Variants in LIN54 observed in about 807,000 individuals in gnomAD.
LIN54 encodes the protein lin-54 DREAM MuvB core complex component.
LIN54 carries 9 observed loss-of-function variants against 78.7 expected under a neutral mutation model. That is an observed-to-expected ratio of 0.11 (90% CI 0.07 to 0.20). The LOEUF is 0.20. Among genes scored for constraint, LIN54 ranks in the 10% least tolerant of loss-of-function variants. The probability of loss-of-function intolerance (pLI) is 1.00; values close to 1 mark genes in which losing one functional copy is unlikely to be tolerated. For synonymous variants in LIN54, 269 were observed against 318.4 expected (o/e 0.84, Z 1.65); for missense variants, 573 against 889.9 (o/e 0.64, Z 4.53).
intron 3 of LIN54, among the ~76,000 whole-genome samples, chr4:82,973,558 A>G (rs192907136): frequency 6.6e-6 from 1 of 152,338 alleles, no homozygotes; most frequent in East Asian, 1.9e-4. Context: ...AAAGCCACAT[A>G]TTGAATAGGC....
At chr4:82,932,762 T>C (rs571390264) in intron 11 of LIN54, among the ~76,000 whole-genome samples, 2 of 151,704 alleles carry the variant, frequency 1.3e-5, no homozygotes, top group South Asian at 4.2e-4. Flanking sequence ...GAGGCGGAGG[T>C]TGCAGTGAGC....
At position 82,928,035 on chromosome 4, in the gene LIN54, G is replaced by T. The variant is rs761505726; in HGVS notation, c.*67C>A. ...AAATACAGTAATTGTTTTTCTTCCA[G>T]AAAATCAAGTGTCCCTGCACCTTAA... On this transcript the variant is annotated 3_prime_UTR_variant, in exon 13 of 13. Coordinates refer to ENST00000340417, the MANE Select transcript of LIN54 (RefSeq NM_194282.4). 111 of 1,334,912 alleles carry T rather than the reference G, an allele frequency of 8.3e-5. No homozygotes were observed. The highest frequency in any genetic ancestry group is 1.8e-5 in the Non-Finnish European group (17 of 931,584). 82.7% of individuals were successfully genotyped at this position (1,334,912 alleles called of 1,614,324 possible).
At chr4:83,005,626 GAAAAA>G (rs34604804) in intron 1 of LIN54, among the ~76,000 whole-genome samples, 1 of 104,620 alleles carries the variant, frequency 9.6e-6, no homozygotes, top group Non-Finnish European at 2.0e-5. Context: ...CTCCATCTCA[GAAAAA>G]AAAAAAAAAA....
At chr4:82,963,794 A>G (rs1724991255) in intron 4 of LIN54, among the ~76,000 whole-genome samples, 2 of 152,178 alleles carry the variant, frequency 1.3e-5, no homozygotes, top group Admixed American at 1.3e-4. Context: ...GAAAGAACAT[A>G]AAGATGAGAC....
intron 3 of LIN54, among the ~76,000 whole-genome samples, chr4:82,978,527 T>C (rs1297319737): frequency 6.6e-6 from 1 of 152,180 alleles, no homozygotes; most frequent in African/African-American, 2.4e-5. Flanking sequence ...AAAACGGGAA[T>C]GTTATTAGTA....
At chr4:82,961,425 A>G (rs1366235747) in intron 4 of LIN54, among the ~76,000 whole-genome samples, 2 of 152,186 alleles carry the variant, frequency 1.3e-5, no homozygotes, top group Non-Finnish European at 2.9e-5. Context: ...AATTCTTCAC[A>G]TGGCAGTCAA....
rs142797082 is a variant in LIN54, at chr4:82,952,624, A to C, written c.952-6150T>G. 3.3e-3 allele frequency among the ~76,000 whole-genome samples: 507 copies of C among 152,324 alleles called. 6 individuals are homozygous for C. The highest frequency in any genetic ancestry group is 0.011 in the African/African-American group (471 of 41,582). On this transcript the variant is annotated intron_variant, in intron 4 of 12. Transcript: ENST00000340417. ...TTTGGGTACATACTGTATTCAAAAGAATTAAAAGTAGGGTCTTGAAGAGAT... is the reference window on the plus strand; with the variant it reads ...TTTGGGTACATACTGTATTCAAAAGCATTAAAAGTAGGGTCTTGAAGAGAT...
Position 82,936,045 on chromosome 4 carries a change from C to T in LIN54, c.1781G>A (p.Arg594His), listed in dbSNP as rs752775383. The T allele has an allele frequency of 1.2e-6, 2 of 1,613,814 alleles. No homozygotes were observed. Among genetic ancestry groups the T allele is most frequent in the Non-Finnish European group, 1.7e-6 (2 of 1,179,690 alleles). Residue 594 changes from arginine (R) to histidine (H), a missense_variant, in exon 11 of 13, where the codon CGT becomes CAT. Physicochemically the swap from Arg to His is conservative, Grantham distance 29 (BLOSUM62 0). Around this residue, in one of 6 missense-constraint regions of LIN54, gnomAD observed 101 missense variants for 194.2 expected, o/e 0.52. Coordinates refer to ENST00000340417, the MANE Select transcript of LIN54 (RefSeq NM_194282.4). ...TTTGCAATTACACCCTTTGCTATGA[C>T]GTCGATCAGATTCTCCCTCCTTTCC... The part of the protein sequence containing the change: ...GKGKEGESDR[R>H]HSKGCNCKRS...
intron 1 of LIN54, among the ~76,000 whole-genome samples, chr4:82,990,627 G>A (rs1195716799): frequency 1.3e-5 from 2 of 152,022 alleles, no homozygotes; most frequent in Non-Finnish European, 2.9e-5. Flanking sequence ...GGGACTACGG[G>A]CGCCCGCCAC....
Position 82,933,318 on chromosome 4 carries a change from C to T in LIN54, c.1846-2173G>A, listed in dbSNP as rs146100480. Among the ~76,000 whole-genome samples the T allele has an allele frequency of 6.9e-3, 1,037 of 149,910 alleles. 20 individuals carry two copies. The highest frequency in any genetic ancestry group is 0.024 in the African/African-American group (994 of 40,898). On this transcript the variant is annotated intron_variant, in intron 11 of 12. Coordinates refer to ENST00000340417, the MANE Select transcript of LIN54 (RefSeq NM_194282.4). ...AGGAAAGACATTAATAGTGTCTAAC[C>T]GGAGCTCAGATGGAGAAATTACAAT... is the stretch of plus-strand genomic sequence containing the variant.
At chr4:82,969,324 G>A (rs1219110944) in intron 4 of LIN54, among the ~76,000 whole-genome samples, 1 of 152,124 alleles carries the variant, frequency 6.6e-6, no homozygotes, top group Admixed American at 6.6e-5. Flanking sequence ...TAATTCTGTA[G>A]GACAATTTTT....
rs1488327977 is a variant in LIN54 at position 82,937,150 on chromosome 4, AT to A, written c.1604+76del. On this transcript the variant is annotated intron_variant, in intron 9 of 12. Coordinates refer to ENST00000340417, the MANE Select transcript of LIN54 (RefSeq NM_194282.4). Reference sequence around the variant, plus strand: ...ACTTATGAGCTTTGGTCTGCTAAAAATTTTTAGTTAACTCCATTTACTTTTA... The same window carrying A: ...ACTTATGAGCTTTGGTCTGCTAAAAATTTTAGTTAACTCCATTTACTTTTA... 5 of 804,978 alleles carry A rather than the reference AT, an allele frequency of 6.2e-6. No homozygotes were observed. In the African/African-American group the frequency reaches 6.7e-5, roughly 11 times the overall value. The allele number at this position is 804,978 out of a possible 1,614,324, so 49.9% of individuals were successfully genotyped here. A position where few individuals can be genotyped will look rare whatever the true frequency, so the allele number is the denominator to read the frequency against.
chr4:82,998,527 C>A (rs1208666432), intron 1 of LIN54, among the ~76,000 whole-genome samples: 5 of 132,142 alleles, frequency 3.8e-5, no homozygotes, highest in African/African-American at 1.4e-4. Flanking sequence ...CGGTGCGAGA[C>A]TCCGTCAGAG....
chr4:82,955,231 G>T (rs1173765879), intron 4 of LIN54, among the ~76,000 whole-genome samples: 1 of 152,050 alleles, frequency 6.6e-6, no homozygotes, highest in Non-Finnish European at 1.5e-5. Context: ...GGGCTTGGTG[G>T]CATCCACTTG....
intron 12 of LIN54, among the ~76,000 whole-genome samples, chr4:82,930,502 A>G (rs1471586334): frequency 6.6e-6 from 1 of 152,208 alleles, no homozygotes; most frequent in Non-Finnish European, 1.5e-5. Flanking sequence ...TCTACTCCAG[A>G]GCTCAGCAGA....
Position 82,930,889 on chromosome 4 carries a change from A to G in LIN54, c.2048+54T>C. 4 of 1,545,216 alleles carry G rather than the reference A, an allele frequency of 2.6e-6. No individual in the cohort carries two copies. The South Asian group carries it at 4.6e-5, about 18-fold the overall frequency. ...ACTCAACTTTGCCCCCTGAAAAGAA[A>G]CTTTACCAAAAGTATTTGGGAAGTA... On this transcript the variant is annotated intron_variant, in intron 12 of 12. Coordinates refer to ENST00000340417, the MANE Select transcript of LIN54 (RefSeq NM_194282.4).
chr4:82,982,578 T>A (rs1726767391), intron 2 of LIN54, among the ~76,000 whole-genome samples: 1 of 152,092 alleles, frequency 6.6e-6, no homozygotes, highest in Non-Finnish European at 1.5e-5. Flanking sequence ...CAAAGCCAAA[T>A]AAACTTTGGT....
chr4:82,988,902 G>T (rs1727420530), intron 1 of LIN54, among the ~76,000 whole-genome samples: 1 of 151,844 alleles, frequency 6.6e-6, no homozygotes. Context: ...AAAAATACTG[G>T]GTTTGGCCGG....
At chr4:82,945,425 T>C (rs765765333) in intron 5 of LIN54, among the ~76,000 whole-genome samples, 1 of 151,920 alleles carries the variant, frequency 6.6e-6, no homozygotes, top group Non-Finnish European at 1.5e-5. Context: ...AACACAAACA[T>C]AGAAAATAGA....
Sources: gnomAD v4.1 joint callset for allele counts (sites outside exome capture counted in the v4.1 genomes callset) on GRCh38, gnomAD v4.1.1 for gene constraint, gnomAD v4.1.1 regional missense constraint, MANE v1.5 for transcripts, NCBI Gene and HGNC (gene_info 2026-07-23, HGNC 2026-07-21) for gene names.